CREB5: variants seen among roughly 807,000 people sequenced by gnomAD.
The protein encoded by CREB5 is cAMP responsive element binding protein 5.
CREB5 carries 19 observed loss-of-function variants against 57.1 expected under a neutral mutation model. That is an observed-to-expected ratio of 0.33 (90% CI 0.23 to 0.49). The LOEUF is 0.49. Ranked by LOEUF, CREB5 falls within the 20% of genes least tolerant of loss-of-function variation. The pLI, the probability that CREB5 is intolerant of heterozygous loss-of-function variation, is 0.99. For synonymous variants in CREB5, 238 were observed against 238.3 expected, an observed-to-expected ratio of 1.00 and a Z score of 0.01; for missense variants, 579 against 671.6, an observed-to-expected ratio of 0.86 and a Z score of 1.52.
At chr7:28,645,343 T>C (rs1798849598) in intron 5 of CREB5, among the ~76,000 whole-genome samples, 1 of 152,110 alleles carries the variant, frequency 6.6e-6, no homozygotes, top group Non-Finnish European at 1.5e-5. Flanking sequence ...AAACTACAGT[T>C]GTTCTGTGGA....
intron 5 of CREB5, among the ~76,000 whole-genome samples, chr7:28,638,140 A>G (rs867242343): frequency 9.9e-5 from 15 of 152,240 alleles, no homozygotes; most frequent in Non-Finnish European, 1.2e-4. Context: ...TTTGTATGCC[A>G]AATGAGGTTT....
At chr7:28,698,380 C>T (rs1446112700) in intron 5 of CREB5, among the ~76,000 whole-genome samples, 1 of 146,834 alleles carries the variant, frequency 6.8e-6, no homozygotes, top group African/African-American at 2.5e-5. Flanking sequence ...AACACACTCA[C>T]AGGGCTAAGA....
At chr7:28,419,849 A>G (rs1172914949) in intron 1 of CREB5, among the ~76,000 whole-genome samples, 3 of 152,232 alleles carry the variant, frequency 2.0e-5, no homozygotes, top group Non-Finnish European at 4.4e-5. Flanking sequence ...GTCTAAGCAC[A>G]CATTGTTTAC....
chr7:28,455,652 C>T (rs1046904497), intron 1 of CREB5, among the ~76,000 whole-genome samples: 2 of 149,768 alleles, frequency 1.3e-5, no homozygotes, highest in Admixed American at 6.7e-5. Flanking sequence ...GTGAATACTG[C>T]GCTTTGGGGC....
At chr7:28,738,400 G>A (rs1173028605) in intron 7 of CREB5, among the ~76,000 whole-genome samples, 1 of 152,182 alleles carries the variant, frequency 6.6e-6, no homozygotes, top group Non-Finnish European at 1.5e-5. Context: ...CGGTCTCGAG[G>A]ACATGGTTCA....
chr7:28,723,578 G>A (rs1459793217), intron 6 of CREB5, among the ~76,000 whole-genome samples: 1 of 152,184 alleles, frequency 6.6e-6, no homozygotes, highest in Non-Finnish European at 1.5e-5. Flanking sequence ...AGGGTAACAA[G>A]GAAGAAGAGA....
At chr7:28,798,497 A>G (rs1472297246) in intron 7 of CREB5, among the ~76,000 whole-genome samples, 1 of 152,226 alleles carries the variant, frequency 6.6e-6, no homozygotes, top group Admixed American at 6.5e-5. Flanking sequence ...AACTTGAGCT[A>G]AACGGGAAAT....
At chr7:28,759,390 T>C (rs1344039034) in intron 7 of CREB5, among the ~76,000 whole-genome samples, 1 of 152,194 alleles carries the variant, frequency 6.6e-6, no homozygotes, top group Non-Finnish European at 1.5e-5. Flanking sequence ...TATTTATACT[T>C]ACATGGGGCT....
chr7:28,824,973 C>G lies in CREB5; in HGVS notation c.*5694C>G, dbSNP rs1279690754. On this transcript the variant is annotated 3_prime_UTR_variant, in exon 11 of 11. Coordinates refer to ENST00000357727, the MANE Select transcript of CREB5 (RefSeq NM_182898.4). Reference sequence around the variant, plus strand: ...AGGATCTAGAAAGCTCCTTCTAAGCCATTTAAGATATTCTTACATTGAGCT... The same window carrying G: ...AGGATCTAGAAAGCTCCTTCTAAGCGATTTAAGATATTCTTACATTGAGCT... 6.6e-6 allele frequency: 1 copy of G among 152,582 alleles called. No homozygotes were observed. Among genetic ancestry groups the G allele is most frequent in the Non-Finnish European group, 1.5e-5 (1 of 68,042 alleles). 9.5% of individuals were successfully genotyped at this position (152,582 alleles called of 1,614,324 possible).
At chr7:28,805,109 C>T (rs1808632517) in intron 8 of CREB5, among the ~76,000 whole-genome samples, 1 of 152,082 alleles carries the variant, frequency 6.6e-6, no homozygotes, top group African/African-American at 2.4e-5. Context: ...GTGACTCATC[C>T]CCCTGAATGA....
chr7:28,595,891 T>C (rs913896536), intron 5 of CREB5, among the ~76,000 whole-genome samples: 1 of 152,234 alleles, frequency 6.6e-6, no homozygotes, highest in Non-Finnish European at 1.5e-5. Context: ...CTCTGGTATC[T>C]TAACCTCGGC....
chr7:28,812,310 A>C (rs1809164257), intron 9 of CREB5, among the ~76,000 whole-genome samples: 1 of 152,252 alleles, frequency 6.6e-6, no homozygotes, highest in African/African-American at 2.4e-5. Context: ...TGGAAGGATC[A>C]TAGCAGAGAG....
intron 1 of CREB5, among the ~76,000 whole-genome samples, chr7:28,311,013 G>A (rs547416850): frequency 7.9e-5 from 12 of 151,850 alleles, no homozygotes; most frequent in African/African-American, 2.9e-4. Flanking sequence ...AATATTTTAG[G>A]CCAGGCACCG....
At chr7:28,498,812 G>T (rs1792161269) in intron 3 of CREB5, among the ~76,000 whole-genome samples, 1 of 152,118 alleles carries the variant, frequency 6.6e-6, no homozygotes, top group Non-Finnish European at 1.5e-5. Flanking sequence ...TGGTCCACGT[G>T]ATGCATTTCT....
intron 5 of CREB5, among the ~76,000 whole-genome samples, chr7:28,645,086 C>G (rs892950912): frequency 6.6e-6 from 1 of 152,198 alleles, no homozygotes; most frequent in Non-Finnish European, 1.5e-5. Flanking sequence ...TGCAGCCCCC[C>G]AACCCTTGAG....
chr7:28,490,978 G>T (rs923940732), intron 2 of CREB5, among the ~76,000 whole-genome samples: 1 of 152,222 alleles, frequency 6.6e-6, no homozygotes, highest in African/African-American at 2.4e-5. Context: ...GCTAGAGCTG[G>T]GACAGCTAGA....
chr7:28,625,443 C>T (rs748629778), intron 5 of CREB5, among the ~76,000 whole-genome samples: 3 of 151,778 alleles, frequency 2.0e-5, no homozygotes, highest in Non-Finnish European at 2.9e-5. Flanking sequence ...GGAAGGAACT[C>T]CAAAAAAAAG....
At chr7:28,801,057 T>C (rs1311325136) in intron 7 of CREB5, among the ~76,000 whole-genome samples, 1 of 152,236 alleles carries the variant, frequency 6.6e-6, no homozygotes, top group Non-Finnish European at 1.5e-5. Flanking sequence ...TGTACTTAGT[T>C]AATGTTAGCC....
At chr7:28,597,054 G>T (rs1471648743) in intron 5 of CREB5, among the ~76,000 whole-genome samples, 1 of 152,166 alleles carries the variant, frequency 6.6e-6, no homozygotes, top group Admixed American at 6.5e-5. Flanking sequence ...GTGGTTAATG[G>T]ATAGTTAAAC....
Sources: gnomAD v4.1 joint callset for allele counts (sites outside exome capture counted in the v4.1 genomes callset) on GRCh38, gnomAD v4.1.1 for gene constraint, MANE v1.5 for transcripts, NCBI Gene and HGNC (gene_info 2026-07-23, HGNC 2026-07-21) for gene names.